Variants in PPFIBP1 observed in about 807,000 individuals in gnomAD.
PPFIBP1 encodes the protein PPFIB scaffold protein 1.
PPFIBP1 carries 112 observed loss-of-function variants against 137.8 expected under a neutral mutation model. The ratio of observed to expected loss-of-function variants is 0.81; its 90% CI spans 0.70 to 0.95. PPFIBP1 has a LOEUF of 0.95. Ranked by LOEUF, PPFIBP1 falls within the 40% of genes least tolerant of loss-of-function variation. The pLI is 0.00. For missense variants in PPFIBP1, 1,083 were observed against 1,196.6 expected, an observed-to-expected ratio of 0.91 and a Z score of 1.40; for synonymous variants, 378 against 417.3, an observed-to-expected ratio of 0.91 and a Z score of 1.15.
In PPFIBP1 at chr12:27,642,917, G is replaced by C. The variant is rs142944751; in HGVS notation, c.271-3145G>C. Among the ~76,000 whole-genome samples, 638 of 151,976 alleles carry C rather than the reference G, an allele frequency of 4.2e-3. 15 individuals are homozygous for C. In the East Asian group the frequency reaches 0.071, roughly 17 times the overall value. On this transcript the variant is annotated intron_variant, in intron 4 of 29. Coordinates refer to ENST00000228425, the MANE Select transcript of PPFIBP1 (RefSeq NM_003622.4). Reference sequence around the variant, plus strand: ...ATCAGTTCTCCCAAGCCTGCAGGACGAAAGAAAGGAAAGAAATAAGAGGTA... The same window carrying C: ...ATCAGTTCTCCCAAGCCTGCAGGACCAAAGAAAGGAAAGAAATAAGAGGTA...
chr12:27,592,770 T>C (rs760296196), intron 2 of PPFIBP1: 8 of 816,024 alleles, frequency 9.8e-6, no homozygotes, highest in Non-Finnish European at 1.7e-5. Flanking sequence ...ATAAAGAATA[T>C]GTTAGGTAGG....
At position 27,656,619 on chromosome 12, in the gene PPFIBP1, G is replaced by A; in HGVS notation, c.700G>A (p.Glu234Lys). The change falls in exon 9 of 30, where the codon GAA (glutamate) becomes AAA (lysine). Residue 234 changes from glutamate to lysine, a missense_variant. By Grantham distance (56) the Glu-to-Lys change is moderately conservative (BLOSUM62 1). Transcript: ENST00000228425. ...TAAATGAATTTGTAACTTGTAGGAT[G>A]AACTGGCATCTTTAAAAGAACAACT... is the stretch of plus-strand genomic sequence containing the variant. ...YEKKLKSTKD[E>K]LASLKEQLEE... is the part of the protein sequence containing the mutation. 1 of 1,583,824 alleles carries A rather than the reference G, an allele frequency of 6.3e-7. No individual in the cohort carries two copies. Among genetic ancestry groups the A allele is most frequent in the Non-Finnish European group, 8.7e-7 (1 of 1,152,974 alleles).
chr12:27,689,936 AGAGT>A (rs1460328407), intron 27 of PPFIBP1, among the ~76,000 whole-genome samples: 1 of 152,178 alleles, frequency 6.6e-6, no homozygotes. Context: ...GGTGATCTGC[AGAGT>A]GAGTGATTAC....
intron 2 of PPFIBP1, among the ~76,000 whole-genome samples, chr12:27,624,081 G>T (rs568196164): frequency 6.6e-6 from 1 of 152,032 alleles, no homozygotes; most frequent in Non-Finnish European, 1.5e-5. Context: ...CAAAGAAGAG[G>T]GTCCAAGCAG....
intron 28 of PPFIBP1, among the ~76,000 whole-genome samples, chr12:27,692,242 A>T (rs2061590977): frequency 6.6e-6 from 1 of 152,182 alleles, no homozygotes; most frequent in African/African-American, 2.4e-5. Context: ...AAAGCCTGTC[A>T]TATTTACCAA....
intron 2 of PPFIBP1, among the ~76,000 whole-genome samples, chr12:27,626,897 T>C (rs867939033): frequency 6.6e-6 from 1 of 152,194 alleles, no homozygotes; most frequent in African/African-American, 2.4e-5. Context: ...TCACAGGTGA[T>C]GCTGCTGTTC....
At position 27,691,650 on chromosome 12, in the gene PPFIBP1, G is replaced by A. The variant is rs573628615; in HGVS notation, c.2686-99G>A. 10 of 823,684 alleles carry A rather than the reference G, an allele frequency of 1.2e-5. No individual in the cohort carries two copies. In the East Asian group the frequency reaches 2.3e-4, roughly 19 times the overall value. The allele number at this position is 823,684 out of a possible 1,614,324, so 51.0% of individuals were successfully genotyped here. On this transcript the variant is annotated intron_variant, in intron 27 of 29. Transcript: ENST00000228425. ...AAATAATTAAATTATACATATAGGAGGGAGGGGGCAACGCAAAAAAAAATC... is the reference window on the plus strand; with the variant it reads ...AAATAATTAAATTATACATATAGGAAGGAGGGGGCAACGCAAAAAAAAATC...
At position 27,590,616 on chromosome 12, in the gene PPFIBP1, G is replaced by A. The variant is rs148329370; in HGVS notation, c.-36+12377G>A. 3.1e-3 allele frequency among the ~76,000 whole-genome samples: 475 copies of A among 152,214 alleles called. 3 individuals carry two copies. Among genetic ancestry groups the A allele is most frequent in the Middle Eastern group, 6.8e-3 (2 of 294 alleles). ...AGAAGGTGGCAGAGCAGGGACTAGG[G>A]GACAGCTAAAGGAGGGTCATGATCC... On this transcript the variant is annotated intron_variant, in intron 2 of 29. Transcript: ENST00000228425.
At chr12:27,639,901 C>T (rs6487622) in intron 4 of PPFIBP1, among the ~76,000 whole-genome samples, 89,643 of 152,026 alleles carry the variant, frequency 0.59, 26,972 homozygotes, top group Admixed American at 0.65. Context: ...CCCCACGAAG[C>T]AGTCCCCGTC....
chr12:27,579,304 CT>C (rs1339436861), intron 2 of PPFIBP1, among the ~76,000 whole-genome samples: 1 of 152,200 alleles, frequency 6.6e-6, no homozygotes, highest in East Asian at 1.9e-4. Context: ...CAGCTCTTTG[CT>C]GAAGGACCTT....
chr12:27,666,726 C>T (rs2059881275), intron 12 of PPFIBP1, among the ~76,000 whole-genome samples: 1 of 152,178 alleles, frequency 6.6e-6, no homozygotes, highest in Non-Finnish European at 1.5e-5. Context: ...TTCAAGAGCA[C>T]AGCAGTGATG....
In PPFIBP1 at chr12:27,656,684, A is replaced by G. The variant is rs146333349; in HGVS notation, c.765A>G (p.Lys255=). 156 of 1,613,052 alleles carry G rather than the reference A, an allele frequency of 9.7e-5. No homozygotes were observed. The Middle Eastern group carries it at 2.0e-3, about 21-fold the overall frequency. The change falls in exon 9 of 30, where the codon AAA becomes AAG. Residue 255 remains lysine, a synonymous_variant. Transcript: ENST00000228425. ...KESEVKRLQE[K]LVCKMKGEGV... ...CTGAAGTAAAAAGGCTACAAGAAAA[A>G]TTGGTTTGCAAGATGAAAGGAGAAG...
At chr12:27,617,851 G>A (rs1206451344) in intron 2 of PPFIBP1, among the ~76,000 whole-genome samples, 3 of 152,164 alleles carry the variant, frequency 2.0e-5, no homozygotes, top group African/African-American at 4.8e-5. Context: ...AGTCCTATGA[G>A]ACATAGTAAA....
chr12:27,572,069 T>C (rs1010901509), intron 1 of PPFIBP1, among the ~76,000 whole-genome samples: 2 of 152,328 alleles, frequency 1.3e-5, no homozygotes, highest in Non-Finnish European at 2.9e-5. Context: ...ACATCTACTC[T>C]AAAGTTCTTG....
In PPFIBP1 at chr12:27,550,209, G is replaced by C. The variant is rs542275638; in HGVS notation, c.-124+25844G>C. Among the ~76,000 whole-genome samples, 84 of 152,334 alleles carry C rather than the reference G, an allele frequency of 5.5e-4. 1 individual carries two copies. The highest frequency in any genetic ancestry group is 1.9e-3 in the African/African-American group (80 of 41,568). On this transcript the variant is annotated intron_variant, in intron 1 of 29. Transcript: ENST00000228425. ...ACTCTATCAGTGGCCCCATGGGGGA[G>C]CTGGGCAGTAATCCAAGGCTCCGGG... is the stretch of plus-strand genomic sequence containing the variant.
At chr12:27,673,865 C>G in intron 16 of PPFIBP1, 38 bp downstream of exon 16, 1 of 1,530,546 alleles carries the variant, frequency 6.5e-7, no homozygotes, top group Non-Finnish European at 9.0e-7. Context: ...TGTCTGTTAT[C>G]CTGAGAAAAA....
chr12:27,649,129 A>G (rs1200961134), intron 6 of PPFIBP1, among the ~76,000 whole-genome samples: 2 of 152,234 alleles, frequency 1.3e-5, no homozygotes, highest in African/African-American at 4.8e-5. Flanking sequence ...CTATGTAGCC[A>G]CACAAGTAGA....
At chr12:27,647,699 A>G in intron 5 of PPFIBP1, 30 bp from the exon 6 acceptor site, 2 of 1,399,720 alleles carry the variant, frequency 1.4e-6, no homozygotes, top group Non-Finnish European at 1.9e-6. Context: ...ATTCTTTTTC[A>G]CTCATTGCAT....
intron 2 of PPFIBP1, among the ~76,000 whole-genome samples, chr12:27,603,553 GC>G (rs1270137241): frequency 6.6e-6 from 1 of 152,192 alleles, no homozygotes; most frequent in African/African-American, 2.4e-5. Flanking sequence ...CTGGATTGGA[GC>G]CTCCACCAGG....
Sources: allele counts gnomAD v4.1 joint callset (sites outside exome capture counted in the v4.1 genomes callset), GRCh38; gene constraint gnomAD v4.1.1; transcripts MANE v1.5; gene names NCBI Gene and HGNC (gene_info 2026-07-23, HGNC 2026-07-21).